Variants in MORC2 observed in about 807,000 individuals in gnomAD.
MORC2 encodes the protein MORC family CW-type zinc finger 2, also known as ATPase MORC2.
In MORC2, 30 loss-of-function variants were observed where a neutral mutation model predicts 136.0. That is an observed-to-expected ratio of 0.22 (90% CI 0.17 to 0.30). MORC2 has a LOEUF of 0.30. Among genes scored for constraint, MORC2 ranks in the 10% least tolerant of loss-of-function variants. MORC2 has a pLI of 1.00. For synonymous variants in MORC2, 439 were observed against 487.0 expected, an observed-to-expected ratio of 0.90 and a Z score of 1.30; for missense variants, 922 against 1,333.1, an observed-to-expected ratio of 0.69 and a Z score of 4.80.
chr22:30,933,038 T>C lies in MORC2; in HGVS notation c.2381-8A>G, dbSNP rs778591776. 18 of 1,613,434 alleles carry C rather than the reference T, an allele frequency of 1.1e-5. No individual in the cohort carries two copies. In the African/African-American group the frequency reaches 1.9e-4, roughly 17 times the overall value. ...CCACGTGCAGCCCTTTATCTGACAA[T>C]GTAGACAGAGGTGCGAGTCAGAAAA... On this transcript the variant is annotated splice_polypyrimidine_tract_variant and splice_region_variant and intron_variant, in intron 21 of 25. Coordinates refer to ENST00000397641, the MANE Select transcript of MORC2 (RefSeq NM_001303256.3).
At chr22:30,955,707 G>C (rs1183662714) in intron 3 of MORC2, among the ~76,000 whole-genome samples, 1 of 152,074 alleles carries the variant, frequency 6.6e-6, no homozygotes, top group Non-Finnish European at 1.5e-5. Context: ...TAGTCGAATT[G>C]TATTTAAAAG....
At position 30,968,762 on chromosome 22, in the gene MORC2, G is replaced by A. The variant is rs2041168376; in HGVS notation, c.-873C>T. On this transcript the variant is annotated 5_prime_UTR_variant, in exon 1 of 26. Transcript: ENST00000397641. Reference sequence around the variant, plus strand: ...CGCACCACCTGACCGGGCACTACCCGGATCTCACAACTGCCTTTGTCCCTC... The same window carrying A: ...CGCACCACCTGACCGGGCACTACCCAGATCTCACAACTGCCTTTGTCCCTC... 6.6e-6 allele frequency among the ~76,000 whole-genome samples: 1 copy of A among 152,006 alleles called. No homozygotes were observed. The highest frequency in any genetic ancestry group is 2.1e-4 in the South Asian group (1 of 4,818).
chr22:30,953,747 T>C (rs534297563), intron 3 of MORC2, among the ~76,000 whole-genome samples: 1 of 152,322 alleles, frequency 6.6e-6, no homozygotes, highest in South Asian at 2.1e-4. Context: ...ACAGTCTGCT[T>C]ATGACAGGCA....
chr22:30,931,083 C>T (rs1328918974), intron 24 of MORC2, among the ~76,000 whole-genome samples: 2 of 152,226 alleles, frequency 1.3e-5, no homozygotes, highest in African/African-American at 2.4e-5. Flanking sequence ...ACTGCCACCA[C>T]GCTGACTCCT....
In MORC2 at chr22:30,934,279, C is replaced by A; in HGVS notation, c.2194-88G>T. The stretch of plus-strand genomic sequence containing the variant: ...TTCATCTAGCCTAAAGGAGTCGTTC[C>A]AAGAGGAGCTGTACTCCCTGCAATC... On this transcript the variant is annotated intron_variant, in intron 19 of 25. Coordinates refer to ENST00000397641, the MANE Select transcript of MORC2 (RefSeq NM_001303256.3). This position sits in a 1 kb window ranked among gnomAD's most constrained non-coding sequence, Gnocchi z 4.4. 6.4e-7 allele frequency: 1 copy of A among 1,559,420 alleles called. No individual in the cohort carries two copies. Among genetic ancestry groups the A allele is most frequent in the Non-Finnish European group, 8.7e-7 (1 of 1,147,068 alleles).
intron 6 of MORC2, among the ~76,000 whole-genome samples, chr22:30,943,848 C>A (rs982564969): frequency 6.2e-4 from 94 of 152,226 alleles, no homozygotes; most frequent in African/African-American, 2.2e-3. Flanking sequence ...CGGCTCACTG[C>A]AACCTCCGCC....
Position 30,935,330 on chromosome 22 carries a change from G to A in MORC2, c.1738-8C>T, listed in dbSNP as rs775911463. On this transcript the variant is annotated splice_polypyrimidine_tract_variant and splice_region_variant and intron_variant, in intron 17 of 25. Transcript: ENST00000397641. ...GCGGATGGGTGTGGTTTTCTGCAAG[G>A]CAAACATCATGATGAAGTTGTTTGC... The A allele has an allele frequency of 6.2e-7, 1 of 1,612,850 alleles. No homozygotes were observed. Among genetic ancestry groups the A allele is most frequent in the African/African-American group, 1.3e-5 (1 of 74,978 alleles).
Position 30,932,310 on chromosome 22 carries a change from A to G in MORC2, c.2841+49T>C. The G allele has an allele frequency of 7.0e-7, 1 of 1,426,720 alleles. No individual in the cohort carries two copies. The allele number at this position is 1,426,720 out of a possible 1,614,324, so 88.4% of individuals were successfully genotyped here. A position where few individuals can be genotyped will look rare whatever the true frequency, so the allele number is the denominator to read the frequency against. ...CAACAGTTACAACAAATGCAGGGGC[A>G]GGGGTGGGGGAATGAAGAGTGTGGA... On this transcript the variant is annotated intron_variant, in intron 24 of 25. Transcript: ENST00000397641. The surrounding 1 kb of genome is among the most constrained non-coding windows in gnomAD (Gnocchi z 4.4).
rs1208481852 is a variant in MORC2 at position 30,944,256 on chromosome 22, G to A, written c.427-1985C>T. On this transcript the variant is annotated intron_variant, in intron 6 of 25. Transcript: ENST00000397641. ...CTAGCCTCTCCACCACGGGAACCGA[G>A]TTCCATTTGTGTTCTATAAACCTGT... Among the ~76,000 whole-genome samples, 3 of 152,196 alleles carry A rather than the reference G, an allele frequency of 2.0e-5. 1 individual carries two copies. In the East Asian group the frequency reaches 5.8e-4, roughly 29 times the overall value.
In MORC2 at chr22:30,926,550, C is replaced by CAAAAAAAAAAAAAAAAAAAAAAAAAA. The variant is rs60514280; in HGVS notation, c.*227_*252dup. ...AAGGTTCTCTGTCCTTTGCAGTCACCAAAAAAAAAAAAAAAAAAAAAAAAA... is the reference window on the plus strand; with the variant it reads ...AAGGTTCTCTGTCCTTTGCAGTCACCAAAAAAAAAAAAAAAAAAAAAAAAAAAAAAAAAAAAAAAAAAAAAAAAAAA... On this transcript the variant is annotated 3_prime_UTR_variant, in exon 26 of 26. Coordinates refer to ENST00000397641, the MANE Select transcript of MORC2 (RefSeq NM_001303256.3). 1 of 25,708 alleles carries CAAAAAAAAAAAAAAAAAAAAAAAAAA rather than the reference C, an allele frequency of 3.9e-5. No homozygotes were observed. Among genetic ancestry groups the CAAAAAAAAAAAAAAAAAAAAAAAAAA allele is most frequent in the Non-Finnish European group, 6.9e-5 (1 of 14,432 alleles). The allele number at this position is 25,708 out of a possible 1,614,324, so 1.6% of individuals were successfully genotyped here.
rs955192082 is a variant in MORC2, at chr22:30,927,967, C to T, written c.3030+52G>A. 6 of 1,601,134 alleles carry T rather than the reference C, an allele frequency of 3.7e-6. No individual in the cohort carries two copies. The African/African-American group carries it at 5.4e-5, about 14-fold the overall frequency. ...GAACAGGAACAGGGCCCAGGCCCCC[C>T]TCCCTGAGAGACCAGGTGGTCCAGC... On this transcript the variant is annotated intron_variant, in intron 25 of 25. Transcript: ENST00000397641.
In MORC2 at chr22:30,961,456, A is replaced by G. The variant is rs192691067; in HGVS notation, c.69-2762T>C. On this transcript the variant is annotated intron_variant, in intron 1 of 25. Transcript: ENST00000397641. ...CCTATCAAACATATAAGTGACTTAG[A>G]AACTTACAAAGTGAATTCATTTTAT... 2.9e-4 allele frequency among the ~76,000 whole-genome samples: 44 copies of G among 152,362 alleles called. 1 individual carries two copies. The highest frequency in any genetic ancestry group is 1.0e-3 in the African/African-American group (43 of 41,580).
intron 20 of MORC2, among the ~76,000 whole-genome samples, 199 bp from the exon 21 acceptor site, chr22:30,933,719 C>T (rs2040610527): frequency 6.6e-6 from 1 of 152,312 alleles, no homozygotes; most frequent in Middle Eastern, 3.4e-3. Flanking sequence ...ACGAACAAGA[C>T]AGCAGGCAAG....
At position 30,962,217 on chromosome 22, in the gene MORC2, A is replaced by AG. The variant is rs1227921904; in HGVS notation, c.69-3524_69-3523insC. On this transcript the variant is annotated intron_variant, in intron 1 of 25. Coordinates refer to ENST00000397641, the MANE Select transcript of MORC2 (RefSeq NM_001303256.3). Reference sequence around the variant, plus strand: ...AGCAAAACTCCACCTCAAAAAAAAAAAAAGAAAGAAAGAAAGAAAGAAATG... The same window carrying AG: ...AGCAAAACTCCACCTCAAAAAAAAAAGAAAGAAAGAAAGAAAGAAAGAAATG... Among the ~76,000 whole-genome samples the AG allele has an allele frequency of 1.2e-3, 184 of 151,758 alleles. 2 individuals carry two copies. The highest frequency in any genetic ancestry group is 0.01 in the Middle Eastern group (3 of 294).
intron 24 of MORC2, among the ~76,000 whole-genome samples, chr22:30,931,236 G>A (rs1371325964): frequency 2.6e-5 from 4 of 152,330 alleles, no homozygotes; most frequent in African/African-American, 4.8e-5. Flanking sequence ...CCCCTGGGCC[G>A]AATCAGCCTG....
intron 24 of MORC2, among the ~76,000 whole-genome samples, chr22:30,931,825 G>A (rs2040579977): frequency 6.6e-6 from 1 of 152,204 alleles, no homozygotes; most frequent in Non-Finnish European, 1.5e-5. Context: ...TGAGCCTCTT[G>A]AAGGCAAGAC....
At chr22:30,933,394 C>T in intron 21 of MORC2, 72 bp downstream of exon 21, 1 of 1,531,580 alleles carries the variant, frequency 6.5e-7, no homozygotes, top group Non-Finnish European at 9.0e-7. Context: ...TAAATTGCTG[C>T]TGGTAAGGGG....
chr22:30,962,610 A>C (rs2041065355), intron 1 of MORC2, among the ~76,000 whole-genome samples: 1 of 151,692 alleles, frequency 6.6e-6, no homozygotes, highest in South Asian at 2.1e-4. Flanking sequence ...AAAAAAAAAA[A>C]ACTAATGGTC....
At chr22:30,950,856 CTGCTCAAACTCAACAGGA>C (rs1472752740) in intron 3 of MORC2, among the ~76,000 whole-genome samples, 7 of 152,216 alleles carry the variant, frequency 4.6e-5, no homozygotes, top group Admixed American at 2.6e-4. Flanking sequence ...TTTATCAATA[CTGCTCAAACTCAACAGGA>C]TGCCTCCTTT....
Sources: gnomAD v4.1 joint callset for allele counts (sites outside exome capture counted in the v4.1 genomes callset) on GRCh38, gnomAD v4.1.1 for gene constraint, Gnocchi (gnomAD v3.1) non-coding constraint, MANE v1.5 for transcripts, NCBI Gene and HGNC (gene_info 2026-07-23, HGNC 2026-07-21) for gene names.